Variants in ADAMTSL1 observed in about 807,000 individuals in gnomAD.
ADAMTSL1 encodes ADAMTS like 1.
In ADAMTSL1, 126 loss-of-function variants were observed where a neutral mutation model predicts 201.8. That is an observed-to-expected ratio of 0.62 (90% CI 0.54 to 0.72). ADAMTSL1 has a LOEUF of 0.72. Ranked by LOEUF, ADAMTSL1 falls within the 30% of genes least tolerant of loss-of-function variation. The pLI is 0.00. For missense variants in ADAMTSL1, 2,679 were observed against 2,277.8 expected (o/e 1.18, Z -3.59); for synonymous variants, 1,121 against 903.4 (o/e 1.24, Z -4.32).
intron 2 of ADAMTSL1, among the ~76,000 whole-genome samples, chr9:18,224,056 C>A (rs1047640311): frequency 5.9e-5 from 9 of 151,966 alleles, no homozygotes; most frequent in Non-Finnish European, 1.3e-4. Flanking sequence ...TTTCCAGAAC[C>A]AAGCCAGAGC....
At chr9:18,609,746 G>C (rs1451825632) in intron 4 of ADAMTSL1, among the ~76,000 whole-genome samples, 1 of 152,142 alleles carries the variant, frequency 6.6e-6, no homozygotes, top group Non-Finnish European at 1.5e-5. Context: ...CACAGGGTCT[G>C]ATAATTCTGG....
chr9:18,839,080 A>G (rs1317984296), intron 23 of ADAMTSL1, among the ~76,000 whole-genome samples: 1 of 150,622 alleles, frequency 6.6e-6, no homozygotes, highest in Non-Finnish European at 1.5e-5. Context: ...CATGTGCACA[A>G]TGTGCAGGTT....
chr9:17,931,982 T>G (rs1826813577), intron 1 of ADAMTSL1, among the ~76,000 whole-genome samples: 3 of 152,222 alleles, frequency 2.0e-5, no homozygotes, highest in African/African-American at 7.2e-5. Flanking sequence ...AGAGGCTGTG[T>G]GGAAATGGCT....
chr9:18,461,504 A>G (rs1460686040), intron 2 of ADAMTSL1, among the ~76,000 whole-genome samples: 1 of 152,160 alleles, frequency 6.6e-6, no homozygotes, highest in Non-Finnish European at 1.5e-5. Context: ...GTTGATAGAC[A>G]TGTTCAATAT....
chr9:17,997,829 T>A (rs532514206), intron 1 of ADAMTSL1, among the ~76,000 whole-genome samples: 1 of 152,112 alleles, frequency 6.6e-6, no homozygotes, highest in Admixed American at 6.6e-5. Context: ...GGGAAAAAAA[T>A]CACCTCTTTC....
chr9:18,863,096 G>A (rs1346596958), intron 23 of ADAMTSL1, among the ~76,000 whole-genome samples: 2 of 152,098 alleles, frequency 1.3e-5, no homozygotes, highest in East Asian at 3.9e-4. Context: ...TGTTTAACAC[G>A]GCCAAACTCT....
At chr9:18,489,308 A>G (rs944862053) in intron 1 of ADAMTSL1, among the ~76,000 whole-genome samples, 10 of 152,190 alleles carry the variant, frequency 6.6e-5, no homozygotes, top group South Asian at 2.1e-4. Flanking sequence ...AACAGGGATA[A>G]TATACTGATT....
chr9:18,327,000 G>T (rs1834851932), intron 2 of ADAMTSL1, among the ~76,000 whole-genome samples: 1 of 152,172 alleles, frequency 6.6e-6, no homozygotes, highest in South Asian at 2.1e-4. Flanking sequence ...AAAGCCAATA[G>T]AATTTTATAT....
chr9:18,856,025 C>T (rs762916123), intron 23 of ADAMTSL1, among the ~76,000 whole-genome samples: 2 of 152,286 alleles, frequency 1.3e-5, no homozygotes, highest in Non-Finnish European at 2.9e-5. Flanking sequence ...TTGTTCTCTA[C>T]ATTAATGAAC....
intron 2 of ADAMTSL1, among the ~76,000 whole-genome samples, chr9:18,230,768 A>G (rs1163008798): frequency 6.6e-6 from 1 of 152,192 alleles, no homozygotes; most frequent in African/African-American, 2.4e-5. Flanking sequence ...ACAAATTCAA[A>G]TAAATGACCA....
At chr9:18,432,381 A>C (rs1663737239) in intron 2 of ADAMTSL1, among the ~76,000 whole-genome samples, 1 of 152,228 alleles carries the variant, frequency 6.6e-6, no homozygotes, top group African/African-American at 2.4e-5. Context: ...TGAATCTTTC[A>C]ACTAGAATCT....
chr9:18,288,195 A>T (rs1183071035), intron 2 of ADAMTSL1, among the ~76,000 whole-genome samples: 2 of 152,158 alleles, frequency 1.3e-5, no homozygotes, highest in African/African-American at 4.8e-5. Context: ...GCTGGCCAGT[A>T]TAAACAGACC....
chr9:18,283,508 T>A (rs34100624), intron 2 of ADAMTSL1, among the ~76,000 whole-genome samples: 7,000 of 146,058 alleles, frequency 0.048, 249 homozygotes, highest in Non-Finnish European at 0.075. Flanking sequence ...TGGGAGGCTG[T>A]GGCAGGAAGT....
At chr9:18,330,220 C>T (rs1189909003) in intron 2 of ADAMTSL1, among the ~76,000 whole-genome samples, 1 of 152,178 alleles carries the variant, frequency 6.6e-6, no homozygotes, top group East Asian at 1.9e-4. Context: ...AACCACTTGA[C>T]ACAGTTAAGT....
intron 20 of ADAMTSL1, among the ~76,000 whole-genome samples, chr9:18,805,759 C>T (rs1378793603): frequency 6.6e-6 from 1 of 152,162 alleles, no homozygotes; most frequent in Non-Finnish European, 1.5e-5. Flanking sequence ...ACTCGGAATC[C>T]GTATCTGCAC....
chr9:18,396,506 G>A (rs1356534737), intron 2 of ADAMTSL1, among the ~76,000 whole-genome samples: 5 of 147,136 alleles, frequency 3.4e-5, no homozygotes, highest in Non-Finnish European at 6.0e-5. Context: ...TTTAATGAGT[G>A]AAATTATATA....
At chr9:17,996,701 C>G (rs1819396565) in intron 1 of ADAMTSL1, among the ~76,000 whole-genome samples, 1 of 151,956 alleles carries the variant, frequency 6.6e-6, no homozygotes, top group South Asian at 2.1e-4. Context: ...CTCAGTTGCC[C>G]AACCCCAGCT....
chr9:18,244,765 G>C (rs796619048), intron 2 of ADAMTSL1, among the ~76,000 whole-genome samples: 1 of 152,050 alleles, frequency 6.6e-6, no homozygotes, highest in African/African-American at 2.4e-5. Flanking sequence ...CAAGTGTCTT[G>C]TCTGCTTACT....
chr9:18,181,645 T>G (rs1333106219), intron 2 of ADAMTSL1, among the ~76,000 whole-genome samples: 4 of 152,070 alleles, frequency 2.6e-5, no homozygotes, highest in Non-Finnish European at 5.9e-5. Context: ...CAACAGGTGC[T>G]GGAGAGGATG....
Sources: gnomAD v4.1 joint callset for allele counts (sites outside exome capture counted in the v4.1 genomes callset) on GRCh38, gnomAD v4.1.1 for gene constraint, MANE v1.5 for transcripts, NCBI Gene and HGNC (gene_info 2026-07-23, HGNC 2026-07-21) for gene names.